Variants in TNC observed in about 807,000 individuals in gnomAD.
The protein encoded by TNC is tenascin C.
In TNC, 109 loss-of-function variants were observed where a neutral mutation model predicts 202.4. That is an observed-to-expected ratio of 0.54 (90% CI 0.46 to 0.63). The LOEUF is 0.63. Ranked by LOEUF, TNC falls within the 30% of genes least tolerant of loss-of-function variation. The probability of loss-of-function intolerance (pLI) is 0.00; values close to 1 mark genes in which losing one functional copy is unlikely to be tolerated. For synonymous variants in TNC, 1,007 were observed against 1,089.7 expected, an observed-to-expected ratio of 0.92 and a Z score of 1.50; for missense variants, 2,756 against 2,833.3, an observed-to-expected ratio of 0.97 and a Z score of 0.62.
chr9:115,084,561 G>T lies in TNC; in HGVS notation c.1868-89C>A. 4.1e-6 allele frequency: 6 copies of T among 1,465,094 alleles called. No individual in the cohort carries two copies. The South Asian group carries it at 8.1e-5, about 20-fold the overall frequency. 90.8% of individuals were successfully genotyped at this position (1,465,094 alleles called of 1,614,324 possible). A position where few individuals can be genotyped will look rare whatever the true frequency, so the allele number is the denominator to read the frequency against. ...GTTTGACCTGTCTTTTCCACTGTCA[G>T]CCACAGAGGTCTGAAGATCTTCTGT... On this transcript the variant is annotated intron_variant, in intron 3 of 27. Transcript: ENST00000350763.
intron 10 of TNC, 26 bp from the exon 11 acceptor site, chr9:115,064,945 G>C: frequency 6.3e-7 from 1 of 1,599,854 alleles, no homozygotes; most frequent in Non-Finnish European, 8.5e-7. Context: ...GATGGGGTCA[G>C]TTAAACTATT....
chr9:115,065,001 T>C, intron 10 of TNC, 82 bp from the exon 11 acceptor site: 5 of 1,511,860 alleles, frequency 3.3e-6, no homozygotes, highest in South Asian at 1.2e-5. Context: ...GCAAACCCAA[T>C]GCCACATCTA....
Position 115,063,985 on chromosome 9 carries a change from C to T in TNC, c.3571G>A (p.Ala1191Thr). Residue 1191 changes from alanine to threonine, a missense_variant, in exon 12 of 28, where the codon GCC (alanine) becomes ACC (threonine). Coordinates refer to ENST00000350763, the MANE Select transcript of TNC (RefSeq NM_002160.4). Reference sequence around the variant, plus strand: ...ACCTGAATGAAAAAGTACTCATAGGCCCCTTCTGGAGCAGTCCAGTTGAGT... The same window carrying T: ...ACCTGAATGAAAAAGTACTCATAGGTCCCTTCTGGAGCAGTCCAGTTGAGT... ...LKLNWTAPEG[A>T]YEYFFIQVQE... 1 of 1,613,990 alleles carries T rather than the reference C, an allele frequency of 6.2e-7. No homozygotes were observed. Among genetic ancestry groups the T allele is most frequent in the Non-Finnish European group, 8.5e-7 (1 of 1,179,960 alleles).
At chr9:115,046,264 C>G in intron 17 of TNC, 146 bp downstream of exon 17, 1 of 968,986 alleles carries the variant, frequency 1.0e-6, no homozygotes, top group Admixed American at 2.3e-5. Context: ...GCCAAATTGT[C>G]CAAGGTAACA....
intron 16 of TNC, 64 bp downstream of exon 16, chr9:115,048,196 G>C: frequency 1.3e-6 from 2 of 1,567,754 alleles, no homozygotes; most frequent in East Asian, 2.3e-5. Flanking sequence ...ATGGCGATCC[G>C]GTAGACAGAT....
Position 115,084,399 on chromosome 9 carries a change from C to A in TNC, c.1941G>T (p.Met647Ile). ...ACACGACAAGGTACTCTGTGACCCG[C>A]ATCTCATTGTCCCAGGCCAGGTTGA... is the stretch of plus-strand genomic sequence containing the variant. ...ETVNLAWDNE[M>I]RVTEYLVVYT... The change falls in exon 4 of 28, where the codon ATG becomes ATT. Residue 647 changes from methionine to isoleucine, a missense_variant. By Grantham distance (10) the Met-to-Ile change is conservative. Transcript: ENST00000350763. 1.9e-6 allele frequency: 3 copies of A among 1,614,246 alleles called. No homozygotes were observed. The highest frequency in any genetic ancestry group is 1.1e-5 in the South Asian group (1 of 91,080).
intron 14 of TNC, among the ~76,000 whole-genome samples, chr9:115,058,597 G>A (rs1412718641): frequency 8.5e-5 from 13 of 152,180 alleles, no homozygotes; most frequent in Admixed American, 8.5e-4. Context: ...CACCGTCCTG[G>A]CAGTGGTTGC....
At chr9:115,061,622 T>C (rs944225) in intron 13 of TNC, among the ~76,000 whole-genome samples, 33,929 of 152,110 alleles carry the variant, frequency 0.22, 3,827 homozygotes, top group South Asian at 0.24. Flanking sequence ...ACCAAGTTTA[T>C]CTGTTATATA....
chr9:115,115,968 G>A (rs1357646940), intron 1 of TNC, among the ~76,000 whole-genome samples: 1 of 152,126 alleles, frequency 6.6e-6, no homozygotes, highest in African/African-American at 2.4e-5. Context: ...ATTAATCTTG[G>A]ACAAGTCCTT....
intron 25 of TNC, among the ~76,000 whole-genome samples, chr9:115,027,666 G>A (rs1222418648): frequency 6.6e-6 from 1 of 152,078 alleles, no homozygotes; most frequent in Non-Finnish European, 1.5e-5. Flanking sequence ...ATAGATAAAT[G>A]TTTATTATAA....
intron 1 of TNC, among the ~76,000 whole-genome samples, chr9:115,113,736 G>A (rs1837249329): frequency 6.6e-6 from 1 of 152,180 alleles, no homozygotes. Context: ...GACGTGGCAT[G>A]AAATACATAT....
chr9:115,076,709 TC>T, intron 7 of TNC, 134 bp from the exon 8 acceptor site: 1 of 993,304 alleles, frequency 1.0e-6, no homozygotes, highest in Non-Finnish European at 1.5e-6. Flanking sequence ...CACTCATCTG[TC>T]CCCATAGTGG....
chr9:115,036,171 C>T lies in TNC; in HGVS notation c.5583G>A (p.Thr1861=), dbSNP rs780299696. 2.2e-5 allele frequency: 36 copies of T among 1,614,120 alleles called. No homozygotes were observed. The highest frequency in any genetic ancestry group is 3.3e-5 in the South Asian group (3 of 91,084). The change falls in exon 21 of 28, where the codon ACG becomes ACA. Residue 1861 remains threonine (T), a synonymous_variant. Transcript: ENST00000350763. ...EYALTDLEPA[T]EYTLRIFAEK... ...CTGCAAAGATTCTCAGTGTGTATTC[C>T]GTGGCAGGCTCGAGGTCGGTCAGAG...
chr9:115,048,311 C>T lies in TNC; in HGVS notation c.4801G>A (p.Gly1601Ser). 1 of 1,614,058 alleles carries T rather than the reference C, an allele frequency of 6.2e-7. No homozygotes were observed. The highest frequency in any genetic ancestry group is 8.5e-7 in the Non-Finnish European group (1 of 1,179,974). Residue 1601 changes from glycine (G) to serine (S), a missense_variant, in exon 16 of 28, where the codon GGC becomes AGC. Coordinates refer to ENST00000350763, the MANE Select transcript of TNC (RefSeq NM_002160.4). ...TTGGTTTGATGCCCTTGGGTGAAGC[C>T]AGAGACCATAACCTCATAGCCAATG... ...TGIGYEVMVS[G>S]FTQGHQTKPL... is the part of the protein sequence containing the mutation.
chr9:115,041,308 G>T lies in TNC; in HGVS notation c.5249-224C>A, dbSNP rs1278288520. Reference sequence around the variant, plus strand: ...GATGCCAAAAACAAAGCCAGGAGGGGCGGGGGAAAACATGAAGTCACAACG... The same window carrying T: ...GATGCCAAAAACAAAGCCAGGAGGGTCGGGGGAAAACATGAAGTCACAACG... On this transcript the variant is annotated intron_variant, in intron 18 of 27. Transcript: ENST00000350763. Among the ~76,000 whole-genome samples, 85 of 114,958 alleles carry T rather than the reference G, an allele frequency of 7.4e-4. 2 individuals carry two copies. The highest frequency in any genetic ancestry group is 2.4e-3 in the African/African-American group (77 of 31,774). 75.4% of individuals were successfully genotyped at this position (114,958 alleles called of 152,430 possible).
intron 14 of TNC, 107 bp downstream of exon 14, chr9:115,059,623 G>T: frequency 1.6e-6 from 2 of 1,219,220 alleles, no homozygotes; most frequent in Non-Finnish European, 2.3e-6. Context: ...CCACTGAAAG[G>T]CACATGAAAA....
chr9:115,089,933 A>G (rs547171557), intron 2 of TNC, among the ~76,000 whole-genome samples: 49 of 152,320 alleles, frequency 3.2e-4, no homozygotes, highest in African/African-American at 1.2e-3. Context: ...GGCTGTTGGG[A>G]GGATTAAATG....
At position 115,078,184 on chromosome 9, in the gene TNC, C is replaced by T. The variant is rs1375352740; in HGVS notation, c.2433G>A (p.Val811=). 1 of 1,609,946 alleles carries T rather than the reference C, an allele frequency of 6.2e-7. No individual in the cohort carries two copies. The highest frequency in any genetic ancestry group is 1.3e-5 in the African/African-American group (1 of 74,870). Residue 811 remains valine, a synonymous_variant, in exon 7 of 28, where the codon GTG becomes GTA. Transcript: ENST00000350763. ...AGGCAGTGGTGTCTGTGACATCTTT[C>T]ACCTCGATCTGGCTGGGGGCATCCA... ...TRLDAPSQIE[V]KDVTDTTALI...
chr9:115,078,492 GA>G (rs530888529), intron 6 of TNC, among the ~76,000 whole-genome samples: 74 of 141,242 alleles, frequency 5.2e-4, no homozygotes, highest in Middle Eastern at 3.6e-3. Flanking sequence ...GATGTCACAT[GA>G]AAAAAAAAAA....
Sources: allele counts gnomAD v4.1 joint callset (sites outside exome capture counted in the v4.1 genomes callset), GRCh38; gene constraint gnomAD v4.1.1; transcripts MANE v1.5; gene names NCBI Gene and HGNC (gene_info 2026-07-23, HGNC 2026-07-21).